STAC: variants seen among roughly 807,000 people sequenced by gnomAD.
The protein encoded by STAC is SH3 and cysteine-rich domain-containing protein.
Under a neutral mutation model 48.8 loss-of-function variants are expected in STAC, and 43 were observed. The observed-to-expected ratio is 0.88, with a 90% CI of 0.69 to 1.14. STAC has a LOEUF of 1.14. Ranked by LOEUF, STAC falls within the 50% of genes most tolerant of loss-of-function variation. The pLI is 0.00. For missense variants in STAC, 497 were observed against 504.0 expected, an observed-to-expected ratio of 0.99 and a Z score of 0.13; for synonymous variants, 193 against 179.5, an observed-to-expected ratio of 1.07 and a Z score of -0.60.
At chr3:36,496,933 A>AT (rs1267036925) in intron 6 of STAC, among the ~76,000 whole-genome samples, 2 of 152,110 alleles carry the variant, frequency 1.3e-5, no homozygotes, top group Non-Finnish European at 2.9e-5. Context: ...AATTCCTAGA[A>AT]TTTTCTTCAA....
At chr3:36,451,116 T>C (rs1207475727) in intron 2 of STAC, among the ~76,000 whole-genome samples, 1 of 152,220 alleles carries the variant, frequency 6.6e-6, no homozygotes, top group East Asian at 1.9e-4. Context: ...TTCTAGCTTG[T>C]GTTTCCTTCC....
Position 36,443,993 on chromosome 3 carries a change from T to C in STAC, c.388+353T>C, listed in dbSNP as rs1470021307. Among the ~76,000 whole-genome samples the C allele has an allele frequency of 6.6e-6, 1 of 152,124 alleles. No homozygotes were observed. The highest frequency in any genetic ancestry group is 1.9e-4 in the East Asian group (1 of 5,186). On this transcript the variant is annotated intron_variant, in intron 2 of 10. Coordinates refer to ENST00000273183, the MANE Select transcript of STAC (RefSeq NM_003149.3). The surrounding 1 kb of genome is among the most constrained non-coding windows in gnomAD (Gnocchi z 4.2). ...GGCAACAAGTGAGACCTGGAATGCTTGTTGCTTCCCCAAAAAAAAGCCGAT... is the reference window on the plus strand; with the variant it reads ...GGCAACAAGTGAGACCTGGAATGCTCGTTGCTTCCCCAAAAAAAAGCCGAT...
intron 1 of STAC, among the ~76,000 whole-genome samples, chr3:36,437,703 C>A (rs1476893734): frequency 6.6e-6 from 1 of 150,408 alleles, no homozygotes; most frequent in Non-Finnish European, 1.5e-5. Context: ...GGTTCAGCAC[C>A]CCAGCATGGC....
chr3:36,398,283 A>C (rs553581081), intron 1 of STAC, among the ~76,000 whole-genome samples: 5 of 144,506 alleles, frequency 3.5e-5, no homozygotes, highest in African/African-American at 1.3e-4. Flanking sequence ...GCCATCTATG[A>C]AGGTATGTTA....
chr3:36,482,461 C>T (rs543028548), intron 2 of STAC, among the ~76,000 whole-genome samples: 37 of 152,304 alleles, frequency 2.4e-4, no homozygotes, highest in Non-Finnish European at 5.0e-4. Context: ...GCATCTTCTT[C>T]CTCTTTCCCC....
chr3:36,543,597 A>G (rs1017478366), intron 10 of STAC, among the ~76,000 whole-genome samples: 3 of 152,204 alleles, frequency 2.0e-5, no homozygotes, highest in Non-Finnish European at 2.9e-5. Context: ...AAAACCTTGA[A>G]AGAGAAGAGA....
At chr3:36,490,896 T>C (rs1697950089) in intron 5 of STAC, among the ~76,000 whole-genome samples, 1 of 152,186 alleles carries the variant, frequency 6.6e-6, no homozygotes, top group Non-Finnish European at 1.5e-5. Flanking sequence ...CAAAGGGATG[T>C]CCATTTATCA....
intron 10 of STAC, among the ~76,000 whole-genome samples, chr3:36,544,471 G>C (rs972809397): frequency 6.6e-6 from 1 of 151,466 alleles, no homozygotes; most frequent in African/African-American, 2.4e-5. Context: ...CACCCGGCCA[G>C]GTGTCTGCAT....
At chr3:36,518,218 A>C (rs1226809492) in intron 8 of STAC, among the ~76,000 whole-genome samples, 1 of 152,242 alleles carries the variant, frequency 6.6e-6, no homozygotes, top group East Asian at 1.9e-4. Flanking sequence ...AGTAAACATA[A>C]ACTCCTAAAA....
chr3:36,432,719 T>A (rs906715209), intron 1 of STAC, among the ~76,000 whole-genome samples: 8 of 150,436 alleles, frequency 5.3e-5, no homozygotes, highest in South Asian at 2.1e-4. Flanking sequence ...AAAAAAAAAC[T>A]GTCGCTTTAT....
intron 1 of STAC, among the ~76,000 whole-genome samples, chr3:36,398,954 G>C (rs1299102473): frequency 6.6e-6 from 1 of 152,202 alleles, no homozygotes; most frequent in Non-Finnish European, 1.5e-5. Flanking sequence ...GAAAACCCTA[G>C]GTAGGATACA....
chr3:36,466,316 T>C (rs958098561), intron 2 of STAC, among the ~76,000 whole-genome samples: 2 of 152,192 alleles, frequency 1.3e-5, no homozygotes, highest in African/African-American at 4.8e-5. Context: ...TATAGTATAG[T>C]TGGAAGTTGG....
In STAC at chr3:36,380,694, G is replaced by C. The variant is rs1699488868; in HGVS notation, c.51G>C (p.Lys17Asn). ...AGGACGGCGTGGACGGGCTGCCCAA[G>C]GAGGCGGTGGGCGCCGAGCAACCGC... is the stretch of plus-strand genomic sequence containing the variant. Reference protein sequence around the residue: ...PREDGVDGLPKEAVGAEQPPS... With the variant: ...PREDGVDGLPNEAVGAEQPPS... The change falls in exon 1 of 11, where the codon AAG becomes AAC. Residue 17 changes from lysine (K) to asparagine (N), a missense_variant. Lys to Asn is a moderately conservative substitution (Grantham distance 94). Transcript: ENST00000273183. The C allele has an allele frequency of 6.2e-7, 1 of 1,611,136 alleles. No individual in the cohort carries two copies. Among genetic ancestry groups the C allele is most frequent in the African/African-American group, 1.3e-5 (1 of 74,896 alleles).
chr3:36,474,191 A>G (rs1202785757), intron 2 of STAC, among the ~76,000 whole-genome samples: 1 of 152,162 alleles, frequency 6.6e-6, no homozygotes, highest in Non-Finnish European at 1.5e-5. Context: ...ACATTTGTCA[A>G]CTATGAGACC....
chr3:36,464,811 G>GGTGTGT (rs144282261), intron 2 of STAC, among the ~76,000 whole-genome samples: 1 of 150,218 alleles, frequency 6.7e-6, no homozygotes, highest in Non-Finnish European at 1.5e-5. Context: ...AGTATTCCAT[G>GGTGTGT]GTGTGTGTGT....
chr3:36,384,709 C>T (rs1575167263), intron 1 of STAC, among the ~76,000 whole-genome samples: 1 of 152,130 alleles, frequency 6.6e-6, no homozygotes, highest in African/African-American at 2.4e-5. Context: ...GACTCACCAG[C>T]ATGTGATTTA....
rs1483489835 is a variant in STAC, at chr3:36,524,114, G to T, written c.921-4582G>T. On this transcript the variant is annotated intron_variant, in intron 8 of 10. Transcript: ENST00000273183. ...TTTTCACAGGTTCCAGGGCACAGGG[G>T]ATGTCCCACATTATCTAGTACCTGG... Among the ~76,000 whole-genome samples the T allele has an allele frequency of 2.0e-5, 3 of 152,178 alleles. No individual in the cohort carries two copies. The East Asian group carries it at 5.8e-4, about 29-fold the overall frequency.
At chr3:36,541,371 T>C (rs1699320742) in intron 10 of STAC, among the ~76,000 whole-genome samples, 1 of 152,150 alleles carries the variant, frequency 6.6e-6, no homozygotes, top group Admixed American at 6.5e-5. Flanking sequence ...CTCTGCTTCG[T>C]GGGAAAACGA....
At chr3:36,536,983 C>T (rs994400806) in intron 10 of STAC, among the ~76,000 whole-genome samples, 1 of 152,074 alleles carries the variant, frequency 6.6e-6, no homozygotes, top group African/African-American at 2.4e-5. Flanking sequence ...AACTGAAAAT[C>T]AAAACCACAA....
Sources: gnomAD v4.1 joint callset for allele counts (sites outside exome capture counted in the v4.1 genomes callset) on GRCh38, gnomAD v4.1.1 for gene constraint, Gnocchi (gnomAD v3.1) non-coding constraint, MANE v1.5 for transcripts, NCBI Gene and HGNC (gene_info 2026-07-23, HGNC 2026-07-21) for gene names.